The following TAF1A variants were observed in gnomAD, a reference collection of about 807,000 sequenced individuals.
TAF1A encodes TATA box-binding protein-associated factor RNA polymerase I subunit A.
TAF1A carries 42 observed loss-of-function variants against 61.6 expected under a neutral mutation model. That is an observed-to-expected ratio of 0.68 (90% CI 0.53 to 0.88). The LOEUF (loss-of-function observed/expected upper bound fraction) is 0.88, where lower values mean the gene tolerates loss of function less well. Ranked by LOEUF, TAF1A falls within the 40% of genes least tolerant of loss-of-function variation. The probability of loss-of-function intolerance (pLI) is 0.00; values close to 1 mark genes in which losing one functional copy is unlikely to be tolerated. For synonymous variants in TAF1A, 179 were observed against 177.7 expected, an observed-to-expected ratio of 1.01 and a Z score of -0.06; for missense variants, 424 against 518.7, an observed-to-expected ratio of 0.82 and a Z score of 1.77.
At chr1:222,565,753 T>C (rs1443322977) in intron 7 of TAF1A, among the ~76,000 whole-genome samples, 1 of 152,162 alleles carries the variant, frequency 6.6e-6, no homozygotes, top group African/African-American at 2.4e-5. Flanking sequence ...TCCCAGCTAC[T>C]CGGGAGGCTG....
downstream of TAF1A, chr1:222,557,792 A>C (rs1272639701): frequency 6.6e-6 from 1 of 151,954 alleles, no homozygotes; most frequent in East Asian, 1.9e-4. Flanking sequence ...CTATGACCCA[A>C]ATTAGTCCTC....
rs146791794 is a variant in TAF1A, at chr1:222,576,567, A to C, written c.604+878T>G. ...TTCCAGTGAATGCAAATCTGGGCAT[A>C]AATGAAGATGATAACACCATTGAAG... On this transcript the variant is annotated intron_variant, in intron 5 of 10. Transcript: ENST00000352967. Among the ~76,000 whole-genome samples, 372 of 152,318 alleles carry C rather than the reference A, an allele frequency of 2.4e-3. 11 individuals carry two copies. In the East Asian group the frequency reaches 0.052, roughly 21 times the overall value.
At chr1:222,580,306 A>T (rs1011655883) in intron 3 of TAF1A, among the ~76,000 whole-genome samples, 1 of 152,212 alleles carries the variant, frequency 6.6e-6, no homozygotes, top group African/African-American at 2.4e-5. Context: ...AGCCCATCAA[A>T]TTCTACAACT....
At chr1:222,560,687 G>A (rs1659877800) in intron 10 of TAF1A, among the ~76,000 whole-genome samples, 1 of 152,172 alleles carries the variant, frequency 6.6e-6, no homozygotes, top group South Asian at 2.1e-4. Context: ...GTGAATTGGA[G>A]AATCTCTTCA....
rs1661184428 is a variant in TAF1A at position 222,589,838 on chromosome 1, T to C, written c.-114A>G. 2.6e-6 allele frequency: 1 copy of C among 386,514 alleles called. No individual in the cohort carries two copies. Among genetic ancestry groups the C allele is most frequent in the Non-Finnish European group, 4.6e-6 (1 of 218,740 alleles). The allele number at this position is 386,514 out of a possible 1,614,324, so 23.9% of individuals were successfully genotyped here. A position where few individuals can be genotyped will look rare whatever the true frequency, so the allele number is the denominator to read the frequency against. ...AGGAGAGCTTTATATGAGCAGGCGC[T>C]AAACCTGGTTTAGGTATTTAGGCAG... On this transcript the variant is annotated 5_prime_UTR_variant, in exon 1 of 11. Coordinates refer to ENST00000352967, the MANE Select transcript of TAF1A (RefSeq NM_005681.4).
At chr1:222,575,750 G>C (rs1660545921) in intron 5 of TAF1A, among the ~76,000 whole-genome samples, 1 of 152,134 alleles carries the variant, frequency 6.6e-6, no homozygotes, top group Non-Finnish European at 1.5e-5. Context: ...TGAGGTGAAT[G>C]ATCATCTAAG....
downstream of TAF1A, among the ~76,000 whole-genome samples, chr1:222,556,283 G>T (rs1659724284): frequency 6.6e-6 from 1 of 152,206 alleles, no homozygotes; most frequent in South Asian, 2.1e-4. Context: ...CAGGGGCTTT[G>T]TGAAATGATG....
chr1:222,579,917 A>G, intron 3 of TAF1A, 45 bp from the exon 4 acceptor site: 11 of 1,577,618 alleles, frequency 7.0e-6, no homozygotes, highest in Non-Finnish European at 9.4e-6. Flanking sequence ...TTTTTGCCTT[A>G]ACCAATTTCT....
chr1:222,561,488 C>A lies in TAF1A; in HGVS notation c.1116G>T (p.Trp372Cys). 6.2e-7 allele frequency: 1 copy of A among 1,611,542 alleles called. No individual in the cohort carries two copies. Among genetic ancestry groups the A allele is most frequent in the South Asian group, 1.1e-5 (1 of 90,512 alleles). ...CTGGCCACCAGTTTTTCCTGGAGTTCCACTCTTCTTGAACCCACGCAAGGT... is the reference window on the plus strand; with the variant it reads ...CTGGCCACCAGTTTTTCCTGGAGTTACACTCTTCTTGAACCCACGCAAGGT... ...GNHLAWVQEEWNSRKNWWPGF... is the reference protein window; with the variant it reads ...GNHLAWVQEECNSRKNWWPGF... Residue 372 changes from tryptophan (W) to cysteine (C), a missense_variant, in exon 10 of 11, where the codon TGG (tryptophan) becomes TGT (cysteine). Transcript: ENST00000352967.
chr1:222,556,763 C>A (rs1258177373), downstream of TAF1A, among the ~76,000 whole-genome samples: 3 of 152,174 alleles, frequency 2.0e-5, no homozygotes, highest in Non-Finnish European at 2.9e-5. Context: ...TTTATTCTCA[C>A]CTCCATTTTC....
In TAF1A at chr1:222,579,807, A is replaced by G; in HGVS notation, c.357T>C (p.Asn119=). 6.2e-7 allele frequency: 1 copy of G among 1,612,112 alleles called. No homozygotes were observed. Among genetic ancestry groups the G allele is most frequent in the Non-Finnish European group, 8.5e-7 (1 of 1,179,542 alleles). ...TATTTTTCATCCGGTTAGCAAAAGT[A>G]TTGAAACTCTCCATGTTGCTTTTGG... is the stretch of plus-strand genomic sequence containing the variant. ...YHPKSNMESF[N]TFANRMKNIG... Residue 119 remains asparagine, a synonymous_variant, in exon 4 of 11, where the codon AAT becomes AAC. Coordinates refer to ENST00000352967, the MANE Select transcript of TAF1A (RefSeq NM_005681.4).
chr1:222,555,493 G>A, downstream of TAF1A, among the ~76,000 whole-genome samples: 1 of 152,186 alleles, frequency 6.6e-6, no homozygotes, highest in East Asian at 1.9e-4. Context: ...CATCTCACTT[G>A]TATGTGAAAT....
At chr1:222,576,482 C>G (rs960512724) in intron 5 of TAF1A, among the ~76,000 whole-genome samples, 1 of 152,212 alleles carries the variant, frequency 6.6e-6, no homozygotes, top group South Asian at 2.1e-4. Flanking sequence ...AGGTTAATCT[C>G]GAGGATTATC....
downstream of TAF1A, among the ~76,000 whole-genome samples, chr1:222,554,935 A>C (rs1659709852): frequency 1.3e-5 from 2 of 152,232 alleles, 1 homozygote; most frequent in South Asian, 4.1e-4. Flanking sequence ...AAATATAGAA[A>C]GAACTCATAC....
chr1:222,571,566 T>G (rs2102653801), intron 5 of TAF1A, among the ~76,000 whole-genome samples: 1 of 152,134 alleles, frequency 6.6e-6, no homozygotes, highest in Non-Finnish European at 1.5e-5. Flanking sequence ...AATAATCAAC[T>G]GTATGTCTAT....
chr1:222,554,517 T>C (rs1007701444), downstream of TAF1A, among the ~76,000 whole-genome samples: 3 of 152,160 alleles, frequency 2.0e-5, no homozygotes, highest in South Asian at 2.1e-4. Flanking sequence ...ATACAAAGAT[T>C]CTAATTCAAT....
At chr1:222,584,353 C>T in intron 2 of TAF1A, 56 bp from the exon 3 acceptor site, 1 of 1,499,668 alleles carries the variant, frequency 6.7e-7, no homozygotes. Context: ...TTCAACTATT[C>T]AAAAAACTTA....
chr1:222,584,279 C>T lies in TAF1A; in HGVS notation c.140G>A (p.Arg47Lys), dbSNP rs760511080. The change falls in exon 3 of 11, where the codon AGG becomes AAG. Residue 47 changes from arginine (R) to lysine (K), a missense_variant. Coordinates refer to ENST00000352967, the MANE Select transcript of TAF1A (RefSeq NM_005681.4). ...VETVAIGGKR[R>K]KDFAQTTSAC... ...ACTTGTTGTCTGAGCAAAATCCTTC[C>T]TCCTTTTCCCTCCAATGGCTATAAA... is the stretch of plus-strand genomic sequence containing the variant. 6.2e-7 allele frequency: 1 copy of T among 1,601,516 alleles called. No individual in the cohort carries two copies. The highest frequency in any genetic ancestry group is 8.5e-7 in the Non-Finnish European group (1 of 1,176,442).
At chr1:222,586,086 A>C (rs1661004195) in intron 2 of TAF1A, among the ~76,000 whole-genome samples, 1 of 152,204 alleles carries the variant, frequency 6.6e-6, no homozygotes, top group Non-Finnish European at 1.5e-5. Context: ...AGACTTTTGA[A>C]TGTACATACA....
Sources: allele counts gnomAD v4.1 joint callset (sites outside exome capture counted in the v4.1 genomes callset), GRCh38; gene constraint gnomAD v4.1.1; transcripts MANE v1.5; gene names NCBI Gene and HGNC (gene_info 2026-07-23, HGNC 2026-07-21).